Variants in AUTS2 observed in about 807,000 individuals in gnomAD.
AUTS2 encodes autism susceptibility gene 2 protein.
A neutral mutation model predicts 112.4 loss-of-function variants in AUTS2; 17 were observed. The ratio of observed to expected loss-of-function variants is 0.15; its 90% CI spans 0.10 to 0.23. The LOEUF (loss-of-function observed/expected upper bound fraction) is 0.23. Ranked by LOEUF, AUTS2 falls within the 10% of genes least tolerant of loss-of-function variation. The pLI is 1.00. For missense variants in AUTS2, 1,510 were observed against 1,701.6 expected, an observed-to-expected ratio of 0.89 and a Z score of 1.98; for synonymous variants, 751 against 702.7, an observed-to-expected ratio of 1.07 and a Z score of -1.09.
intron 5 of AUTS2, among the ~76,000 whole-genome samples, chr7:70,457,792 C>G (rs1796805608): frequency 6.6e-6 from 1 of 152,192 alleles, no homozygotes; most frequent in Non-Finnish European, 1.5e-5. Flanking sequence ...TCAAATTTTA[C>G]TGAGTGGAAT....
At chr7:70,729,885 TG>T (rs1163407195) in intron 6 of AUTS2, among the ~76,000 whole-genome samples, 1 of 151,922 alleles carries the variant, frequency 6.6e-6, no homozygotes, top group East Asian at 1.9e-4. Context: ...TATGTATGTA[TG>T]TATGTATGTA....
At chr7:70,336,542 T>C (rs1405820954) in intron 4 of AUTS2, among the ~76,000 whole-genome samples, 1 of 152,204 alleles carries the variant, frequency 6.6e-6, no homozygotes, top group Non-Finnish European at 1.5e-5. Flanking sequence ...GCAGTGGTAG[T>C]GAGTTTAGTG....
At chr7:70,693,129 G>T (rs1243592518) in intron 5 of AUTS2, among the ~76,000 whole-genome samples, 1 of 152,182 alleles carries the variant, frequency 6.6e-6, no homozygotes, top group Non-Finnish European at 1.5e-5. Context: ...TTGTCAAGCT[G>T]CAGGTGTGGA....
intron 2 of AUTS2, among the ~76,000 whole-genome samples, chr7:70,034,917 G>C (rs558658948): frequency 1.3e-5 from 2 of 152,218 alleles, no homozygotes; most frequent in Non-Finnish European, 2.9e-5. Context: ...GTACAGCCTG[G>C]AATTTTTGGG....
At chr7:70,057,269 G>A (rs1488341894) in intron 2 of AUTS2, among the ~76,000 whole-genome samples, 1 of 152,070 alleles carries the variant, frequency 6.6e-6, no homozygotes, top group Non-Finnish European at 1.5e-5. Context: ...TCTATCACAT[G>A]CCGTTTACCA....
chr7:70,447,963 G>A (rs1042711397), intron 5 of AUTS2, among the ~76,000 whole-genome samples: 5 of 152,276 alleles, frequency 3.3e-5, no homozygotes, highest in South Asian at 2.1e-4. Flanking sequence ...TATTGGAAAG[G>A]CTGTAATAAA....
chr7:70,518,534 A>C (rs1799510542), intron 5 of AUTS2, among the ~76,000 whole-genome samples: 1 of 152,046 alleles, frequency 6.6e-6, no homozygotes, highest in African/African-American at 2.4e-5. Flanking sequence ...AATACAAAAA[A>C]TTAGCCAGGC....
At chr7:70,452,127 G>A (rs1218069156) in intron 5 of AUTS2, among the ~76,000 whole-genome samples, 1 of 152,052 alleles carries the variant, frequency 6.6e-6, no homozygotes, top group African/African-American at 2.4e-5. Context: ...TGTTTTTGTT[G>A]TTGTTGTTGT....
Position 70,194,056 on chromosome 7 carries a change from C to A in AUTS2, c.660+59485C>A, listed in dbSNP as rs538712104. 9.9e-5 allele frequency among the ~76,000 whole-genome samples: 15 copies of A among 152,256 alleles called. No individual in the cohort carries two copies. The South Asian group carries it at 1.0e-3, about 11-fold the overall frequency. On this transcript the variant is annotated intron_variant, in intron 4 of 18. Transcript: ENST00000342771. ...TGCCATGAAAAGATGATAAAGGAGA[C>A]CATCTCTTGGATCTGGAAAGTGCTG... is the stretch of plus-strand genomic sequence containing the variant.
At position 70,790,515 on chromosome 7, in the gene AUTS2, C is replaced by A. The variant is rs555021087; in HGVS notation, c.3299C>A (p.Pro1100Gln). ...AGGGACTTCCTGCTAAGGAACGACC[C>A]GCTCCACCGGCTCTCGACTCCCCGG... ...LGRDFLLRNDPLHRLSTPRLY... is the reference protein window; with the variant it reads ...LGRDFLLRNDQLHRLSTPRLY... Residue 1100 changes from proline to glutamine, a missense_variant, in exon 19 of 19, where the codon CCG (proline) becomes CAG (glutamine). Coordinates refer to ENST00000342771, the MANE Select transcript of AUTS2 (RefSeq NM_015570.4). This position sits in a 1 kb window ranked among gnomAD's most constrained non-coding sequence, Gnocchi z 7.6. The A allele has an allele frequency of 1.4e-5, 22 of 1,611,160 alleles. No individual in the cohort carries two copies. The South Asian group carries it at 2.0e-4, about 15-fold the overall frequency.
At chr7:70,531,325 A>G (rs1033062841) in intron 5 of AUTS2, among the ~76,000 whole-genome samples, 12 of 152,204 alleles carry the variant, frequency 7.9e-5, no homozygotes, top group African/African-American at 2.9e-4. Context: ...TAAAGAAACA[A>G]AAGTCGCCAG....
chr7:70,108,225 T>C lies in AUTS2; in HGVS notation c.523-9907T>C, dbSNP rs184764270. Among the ~76,000 whole-genome samples the C allele has an allele frequency of 2.0e-3, 302 of 152,260 alleles. 2 individuals carry two copies. The highest frequency in any genetic ancestry group is 3.4e-3 in the Middle Eastern group (1 of 294). The stretch of plus-strand genomic sequence containing the variant: ...GAACTGGGATCAAAATAGTGGCAAG[T>C]TGGATAGAGATTTGCTGTCAGAATT... On this transcript the variant is annotated intron_variant, in intron 2 of 18. Transcript: ENST00000342771.
intron 1 of AUTS2, among the ~76,000 whole-genome samples, chr7:69,677,504 G>C (rs187973451): frequency 1.3e-5 from 2 of 152,290 alleles, no homozygotes; most frequent in African/African-American, 4.8e-5. Flanking sequence ...AGTTGTTGAA[G>C]AGTGAGGAAA....
chr7:70,790,003 G>A lies in AUTS2; in HGVS notation c.2787G>A (p.Ala929=), dbSNP rs748280767. The A allele has an allele frequency of 1.2e-5, 19 of 1,598,132 alleles. No individual in the cohort carries two copies. In the South Asian group the frequency reaches 1.2e-4, roughly 10 times the overall value. ...GGCACGGCCACGAGGGGCGCGCCGC[G>A]GGCGAAGAGGCCAAGCAGCTGGCCC... ...KDGHGHEGRA[A]GEEAKQLARV... Residue 929 remains alanine, a synonymous_variant, in exon 19 of 19, where the codon GCG becomes GCA. Transcript: ENST00000342771. The surrounding 1 kb of genome is among the most constrained non-coding windows in gnomAD (Gnocchi z 7.6).
chr7:70,267,523 A>T (rs898233091), intron 4 of AUTS2, among the ~76,000 whole-genome samples: 12 of 152,132 alleles, frequency 7.9e-5, no homozygotes, highest in African/African-American at 2.9e-4. Flanking sequence ...GGCTTTTGGA[A>T]TGCCTTTTCC....
chr7:70,708,182 A>G (rs1331984389), intron 6 of AUTS2, among the ~76,000 whole-genome samples: 1 of 152,184 alleles, frequency 6.6e-6, no homozygotes, highest in Non-Finnish European at 1.5e-5. Flanking sequence ...AATTTTAGCC[A>G]AGATTACATC....
chr7:69,994,394 G>C (rs571083623), intron 2 of AUTS2, among the ~76,000 whole-genome samples: 11 of 152,282 alleles, frequency 7.2e-5, no homozygotes, highest in African/African-American at 2.6e-4. Context: ...AACTAAGGTT[G>C]TTACTGCCAA....
intron 1 of AUTS2, among the ~76,000 whole-genome samples, chr7:69,793,643 A>G (rs971252473): frequency 6.6e-6 from 1 of 152,214 alleles, no homozygotes; most frequent in African/African-American, 2.4e-5. Context: ...GTGCTTTACA[A>G]TCACCTGAGA....
chr7:69,989,123 A>G (rs997293303), intron 2 of AUTS2, among the ~76,000 whole-genome samples: 5 of 152,200 alleles, frequency 3.3e-5, no homozygotes, highest in African/African-American at 1.2e-4. Context: ...GGTCCCAAGA[A>G]TCTGTACCAT....
Sources: gnomAD v4.1 joint callset for allele counts (sites outside exome capture counted in the v4.1 genomes callset) on GRCh38, gnomAD v4.1.1 for gene constraint, Gnocchi (gnomAD v3.1) non-coding constraint, MANE v1.5 for transcripts, NCBI Gene and HGNC (gene_info 2026-07-23, HGNC 2026-07-21) for gene names.